The following DNM2 variants were observed in gnomAD, a reference collection of about 807,000 sequenced individuals.
The protein encoded by DNM2 is dynamin-2.
In DNM2, 15 loss-of-function variants were observed where a neutral mutation model predicts 99.0. The observed-to-expected ratio is 0.15, with a 90% CI of 0.10 to 0.23. DNM2 has a LOEUF of 0.23. Ranked by LOEUF, DNM2 falls within the 10% of genes least tolerant of loss-of-function variation. The probability of loss-of-function intolerance (pLI) is 1.00; values close to 1 mark genes in which losing one functional copy is unlikely to be tolerated. For missense variants in DNM2, 742 were observed against 1,189.4 expected (o/e 0.62, Z 5.53); for synonymous variants, 525 against 481.2 (o/e 1.09, Z -1.19).
Position 10,718,366 on chromosome 19 carries a change from G to A in DNM2, c.124G>A (p.Ala42Thr). 6.6e-7 allele frequency: 1 copy of A among 1,521,318 alleles called. No homozygotes were observed. The highest frequency in any genetic ancestry group is 8.8e-7 in the Non-Finnish European group (1 of 1,136,580). The allele number at this position is 1,521,318 out of a possible 1,614,324, so 94.2% of individuals were successfully genotyped here. ...GATCGCTGTAGTGGGCGGCCAGAGCGCCGGCAAGAGCTCGGTGCTGGAGAA... is the reference window on the plus strand; with the variant it reads ...GATCGCTGTAGTGGGCGGCCAGAGCACCGGCAAGAGCTCGGTGCTGGAGAA... ...PQIAVVGGQS[A>T]GKSSVLENFV... The change falls in exon 1 of 21, where the codon GCC becomes ACC. Residue 42 changes from alanine to threonine, a missense_variant. Ala to Thr is a moderately conservative substitution (Grantham distance 58). Transcript: ENST00000389253.
intron 1 of DNM2, among the ~76,000 whole-genome samples, chr19:10,754,510 C>G (rs1375754521): frequency 6.6e-6 from 1 of 152,106 alleles, no homozygotes; most frequent in African/African-American, 2.4e-5. Flanking sequence ...CTCAGCCTCC[C>G]AAAGTGCTGG....
intron 17 of DNM2, chr19:10,824,714 G>A: frequency 2.7e-6 from 1 of 373,594 alleles, no homozygotes; most frequent in Non-Finnish European, 5.1e-6. Flanking sequence ...TGAGGTGGGA[G>A]GATCACTTGA....
chr19:10,778,952 A>G (rs1237260618), intron 5 of DNM2, among the ~76,000 whole-genome samples: 1 of 152,092 alleles, frequency 6.6e-6, no homozygotes, highest in East Asian at 1.9e-4. Flanking sequence ...ATGGTGACTC[A>G]CACCTGTAAT....
In DNM2 at chr19:10,718,273, C is replaced by T. The variant is rs1014814501; in HGVS notation, c.31C>T (p.Pro11Ser). ...CAACCGCGGGATGGAAGAGCTGATC[C>T]CGCTGGTCAACAAACTGCAGGACGC... MGNRGMEELIPLVNKLQDAFS... is the reference protein window; with the variant it reads MGNRGMEELISLVNKLQDAFS... Residue 11 changes from proline (P) to serine (S), a missense_variant, in exon 1 of 21, where the codon CCG (proline) becomes TCG (serine). Physicochemically the swap from Pro to Ser is moderately conservative, Grantham distance 74. Coordinates refer to ENST00000389253, the MANE Select transcript of DNM2 (RefSeq NM_001005361.3). 1.6e-5 allele frequency: 24 copies of T among 1,493,422 alleles called. No individual in the cohort carries two copies. Among genetic ancestry groups the T allele is most frequent in the Non-Finnish European group, 2.1e-5 (23 of 1,120,632 alleles). The allele number at this position is 1,493,422 out of a possible 1,614,324, so 92.5% of individuals were successfully genotyped here.
rs1034771724 is a variant in DNM2 at position 10,816,256 on chromosome 19, G to C, written c.1672-3724G>C. On this transcript the variant is annotated intron_variant, in intron 15 of 20. Transcript: ENST00000389253. The surrounding 1 kb of genome is among the most constrained non-coding windows in gnomAD (Gnocchi z 4.6). ...TGTCCCCTTGACTGAGGACATTGGGGGTGAAAGGATCATCCCGCTCCACAT... is the reference window on the plus strand; with the variant it reads ...TGTCCCCTTGACTGAGGACATTGGGCGTGAAAGGATCATCCCGCTCCACAT... 6.6e-6 allele frequency among the ~76,000 whole-genome samples: 1 copy of C among 152,048 alleles called. No individual in the cohort carries two copies. The highest frequency in any genetic ancestry group is 2.4e-5 in the African/African-American group (1 of 41,378).
intron 7 of DNM2, among the ~76,000 whole-genome samples, chr19:10,787,453 A>G (rs115511844): frequency 5.1e-4 from 74 of 144,838 alleles, no homozygotes; most frequent in African/African-American, 1.8e-3. Flanking sequence ...CCTGGGCATC[A>G]GAGTGAGACT....
At chr19:10,751,366 T>G (rs1053076879) in intron 1 of DNM2, among the ~76,000 whole-genome samples, 3 of 149,478 alleles carry the variant, frequency 2.0e-5, no homozygotes, top group Non-Finnish European at 3.0e-5. Flanking sequence ...AGGAGAGGAG[T>G]AGGTAGATTT....
At position 10,735,670 on chromosome 19, in the gene DNM2, C is replaced by T. The variant is rs138988495; in HGVS notation, c.161+17267C>T. On this transcript the variant is annotated intron_variant, in intron 1 of 20. Coordinates refer to ENST00000389253, the MANE Select transcript of DNM2 (RefSeq NM_001005361.3). ...CTGAGACTACAGGCGCCCACCACCACGCCCGGCTAATTTTTTTTTTTCAAG... is the reference window on the plus strand; with the variant it reads ...CTGAGACTACAGGCGCCCACCACCATGCCCGGCTAATTTTTTTTTTTCAAG... Among the ~76,000 whole-genome samples, 1,174 of 151,652 alleles carry T rather than the reference C, an allele frequency of 7.7e-3. 14 individuals carry two copies. Among genetic ancestry groups the T allele is most frequent in the South Asian group, 0.031 (147 of 4,780 alleles).
At chr19:10,806,011 G>A (rs773361008) in intron 13 of DNM2, 44 bp downstream of exon 13, 1 of 1,613,516 alleles carries the variant, frequency 6.2e-7, no homozygotes, top group South Asian at 1.1e-5. Flanking sequence ...CTGGGGGCGG[G>A]AGGACGCTAA....
chr19:10,757,943 C>CAAAAAAAA (rs762600168), intron 1 of DNM2, among the ~76,000 whole-genome samples: 3 of 65,402 alleles, frequency 4.6e-5, no homozygotes, highest in African/African-American at 9.6e-5. Flanking sequence ...AGCTCTGTCT[C>CAAAAAAAA]AAAAAAAAAA....
chr19:10,795,543 A>C lies in DNM2; in HGVS notation c.1196+104A>C, dbSNP rs1171001419. ...TCTGAGTCCCTAATCGTTAGGCCTT[A>C]AGAGGGCTCTTGGATGGTTTTCTGT... On this transcript the variant is annotated intron_variant, in intron 9 of 20. Transcript: ENST00000389253. This position sits in a 1 kb window ranked among gnomAD's most constrained non-coding sequence, Gnocchi z 4.2. 1 of 1,346,090 alleles carries C rather than the reference A, an allele frequency of 7.4e-7. No homozygotes were observed. Among genetic ancestry groups the C allele is most frequent in the East Asian group, 2.3e-5 (1 of 43,444 alleles). The allele number at this position is 1,346,090 out of a possible 1,614,324, so 83.4% of individuals were successfully genotyped here.
At chr19:10,797,333 T>C in intron 9 of DNM2, 47 bp from the exon 10 acceptor site, 2 of 1,608,332 alleles carry the variant, frequency 1.2e-6, no homozygotes, top group Non-Finnish European at 8.5e-7. Context: ...TGGCCTGCAC[T>C]GTCCCTGGGT....
chr19:10,732,081 A>C (rs1177919063), intron 1 of DNM2, among the ~76,000 whole-genome samples: 1 of 150,284 alleles, frequency 6.7e-6, no homozygotes, highest in Non-Finnish European at 1.5e-5. Flanking sequence ...CAGCCTCCCG[A>C]GTAGCTGTGA....
chr19:10,735,651 C>G (rs1390677666), intron 1 of DNM2, among the ~76,000 whole-genome samples: 1 of 151,590 alleles, frequency 6.6e-6, no homozygotes, highest in African/African-American at 2.4e-5. Flanking sequence ...GCAGCTGAGA[C>G]TACAGGCGCC....
At chr19:10,769,339 A>G (rs1016565801) in intron 2 of DNM2, 6 of 152,226 alleles carry the variant, frequency 3.9e-5, no homozygotes, top group African/African-American at 1.4e-4. Context: ...GGCCCCATCA[A>G]TACAATCCAA....
chr19:10,815,902 C>T (rs760653444), intron 15 of DNM2, among the ~76,000 whole-genome samples: 6 of 152,128 alleles, frequency 3.9e-5, no homozygotes, highest in East Asian at 1.9e-4. Context: ...TGGGGGGCCC[C>T]GGCTGGCCCC....
At chr19:10,737,158 T>TA (rs1478259384) in intron 1 of DNM2, among the ~76,000 whole-genome samples, 20 of 152,106 alleles carry the variant, frequency 1.3e-4, no homozygotes, top group African/African-American at 4.3e-4. Flanking sequence ...CTTCCTCTAC[T>TA]TGGAATCCTC....
At chr19:10,780,955 T>C (rs566594438) in intron 5 of DNM2, among the ~76,000 whole-genome samples, 2 of 146,936 alleles carry the variant, frequency 1.4e-5, no homozygotes, top group South Asian at 2.1e-4. Context: ...GAGGCAGAGG[T>C]TGTAGTGAGC....
At chr19:10,749,290 G>A (rs764763910) in intron 1 of DNM2, among the ~76,000 whole-genome samples, 1 of 152,182 alleles carries the variant, frequency 6.6e-6, no homozygotes. Context: ...GGAGCCTTGT[G>A]GTCTGTTCAA....
Sources: gnomAD v4.1 joint callset for allele counts (sites outside exome capture counted in the v4.1 genomes callset) on GRCh38, gnomAD v4.1.1 for gene constraint, Gnocchi (gnomAD v3.1) non-coding constraint, MANE v1.5 for transcripts, NCBI Gene and HGNC (gene_info 2026-07-23, HGNC 2026-07-21) for gene names.